FBXO34: variants seen among roughly 807,000 people sequenced by gnomAD.
FBXO34 encodes the protein F-box protein 34.
Under a neutral mutation model 24.5 loss-of-function variants are expected in FBXO34, and 12 were observed. The observed-to-expected ratio is 0.49, with a 90% CI of 0.31 to 0.79. FBXO34 has a LOEUF of 0.79. Among genes scored for constraint, FBXO34 ranks in the 30% least tolerant of loss-of-function variants. FBXO34 has a pLI of 0.04. For missense variants in FBXO34, 823 were observed against 857.7 expected, an observed-to-expected ratio of 0.96 and a Z score of 0.51; for synonymous variants, 320 against 311.9, an observed-to-expected ratio of 1.03 and a Z score of -0.27.
intron 1 of FBXO34, among the ~76,000 whole-genome samples, chr14:55,338,278 T>G (rs957280332): frequency 6.6e-6 from 1 of 151,818 alleles, no homozygotes; most frequent in Non-Finnish European, 1.5e-5. Context: ...CTCGATCTCC[T>G]GACCCCATGA....
chr14:55,328,707 A>G (rs769990475), intron 1 of FBXO34, among the ~76,000 whole-genome samples: 4 of 152,240 alleles, frequency 2.6e-5, no homozygotes, highest in Non-Finnish European at 4.4e-5. Flanking sequence ...TGGGTTAGCC[A>G]CTTGGAGAAA....
Position 55,273,174 on chromosome 14 carries a change from G to GT in FBXO34, c.-11+1649dup, listed in dbSNP as rs879464568. Among the ~76,000 whole-genome samples, 1,256 of 145,914 alleles carry GT rather than the reference G, an allele frequency of 8.6e-3. 2 individuals carry two copies. Among genetic ancestry groups the GT allele is most frequent in the Non-Finnish European group, 0.012 (807 of 65,916 alleles). ...ACTGACCTTGACTTGTAATGGTACGGTTTTTTTTTTTTCCTCTCTCTCAAT... is the reference window on the plus strand; with the variant it reads ...ACTGACCTTGACTTGTAATGGTACGGTTTTTTTTTTTTTCCTCTCTCTCAAT... On this transcript the variant is annotated intron_variant, in intron 1 of 1. Coordinates refer to ENST00000313833, the MANE Select transcript of FBXO34 (RefSeq NM_017943.4).
rs748539226 is a variant in FBXO34 at position 55,353,509 on chromosome 14, G to A, written c.*983G>A. Reference sequence around the variant, plus strand: ...TTATATTTTAGTGATCCACAAGATTGAGAAAATATTATATAGTTAGATAAT... The same window carrying A: ...TTATATTTTAGTGATCCACAAGATTAAGAAAATATTATATAGTTAGATAAT... On this transcript the variant is annotated 3_prime_UTR_variant, in exon 2 of 2. Coordinates refer to ENST00000313833, the MANE Select transcript of FBXO34 (RefSeq NM_017943.4). 2.4e-5 allele frequency: 4 copies of A among 167,038 alleles called. No individual in the cohort carries two copies. The highest frequency in any genetic ancestry group is 6.5e-5 in the Admixed American group (1 of 15,274). 10.3% of individuals were successfully genotyped at this position (167,038 alleles called of 1,614,324 possible).
At position 55,351,426 on chromosome 14, in the gene FBXO34, G is replaced by A. The variant is rs1419590294; in HGVS notation, c.1036G>A (p.Val346Ile). 6.2e-7 allele frequency: 1 copy of A among 1,614,222 alleles called. No individual in the cohort carries two copies. ...CACTCAGGTGAATCCTGTGGGGTCT[G>A]TATCTGTGGATTGTGGCCCTTCAAG... ...PDTQVNPVGS[V>I]SVDCGPSRAD... The change falls in exon 2 of 2, where the codon GTA (valine) becomes ATA (isoleucine). Residue 346 changes from valine to isoleucine, a missense_variant. Physicochemically the swap from Val to Ile is conservative, Grantham distance 29 (BLOSUM62 3). Coordinates refer to ENST00000313833, the MANE Select transcript of FBXO34 (RefSeq NM_017943.4).
At chr14:55,292,188 A>C (rs1328211071) in intron 1 of FBXO34, among the ~76,000 whole-genome samples, 1 of 151,966 alleles carries the variant, frequency 6.6e-6, no homozygotes, top group East Asian at 1.9e-4. Flanking sequence ...CTGATTGCTA[A>C]ATGGGTTCAG....
chr14:55,375,912 T>C, the FBXO34 span, among the ~76,000 whole-genome samples: 5 of 152,328 alleles, frequency 3.3e-5, no homozygotes, highest in Non-Finnish European at 7.4e-5. Context: ...TCCTTGTAGG[T>C]TTATGATAGA....
the FBXO34 span, chr14:55,435,909 C>T: frequency 6.3e-7 from 1 of 1,582,706 alleles, no homozygotes; most frequent in Non-Finnish European, 8.5e-7. Context: ...AACTTACAGG[C>T]CAGGTTTACA....
intron 1 of FBXO34, among the ~76,000 whole-genome samples, chr14:55,328,368 T>C (rs527378877): frequency 6.6e-6 from 1 of 152,332 alleles, no homozygotes; most frequent in African/African-American, 2.4e-5. Flanking sequence ...TCTTGCGCTT[T>C]AGGGCCATTA....
intron 1 of FBXO34, among the ~76,000 whole-genome samples, chr14:55,341,246 C>T (rs544732985): frequency 6.6e-6 from 1 of 152,238 alleles, no homozygotes; most frequent in East Asian, 1.9e-4. Context: ...TTGCTGAAGA[C>T]AAGCCAGGGT....
rs1881701698 is a variant in FBXO34, at chr14:55,284,777, A to G, written c.-11+13240A>G. On this transcript the variant is annotated intron_variant, in intron 1 of 1. Transcript: ENST00000313833. ...ACTACAGGCATGTGCCACCACGTCCAGCTGATTTTTGTATCTTTTGTAGAG... is the reference window on the plus strand; with the variant it reads ...ACTACAGGCATGTGCCACCACGTCCGGCTGATTTTTGTATCTTTTGTAGAG... Among the ~76,000 whole-genome samples, 2 of 149,492 alleles carry G rather than the reference A, an allele frequency of 1.3e-5. 1 individual carries two copies. The highest frequency in any genetic ancestry group is 3.0e-5 in the Non-Finnish European group (2 of 66,900).
chr14:55,333,589 T>A (rs1370599848), intron 1 of FBXO34, among the ~76,000 whole-genome samples: 4 of 152,198 alleles, frequency 2.6e-5, no homozygotes, highest in Non-Finnish European at 5.9e-5. Context: ...AGGATATAGT[T>A]TAATTATGTT....
chr14:55,392,867 A>G, the FBXO34 span, among the ~76,000 whole-genome samples: 2 of 152,188 alleles, frequency 1.3e-5, no homozygotes, highest in African/African-American at 4.8e-5. Flanking sequence ...CAGACATTCA[A>G]AAACAGATCC....
At position 55,325,558 on chromosome 14, in the gene FBXO34, C is replaced by T. The variant is rs552688135; in HGVS notation, c.-10-24823C>T. 3.6e-4 allele frequency among the ~76,000 whole-genome samples: 55 copies of T among 152,280 alleles called. 1 individual carries two copies. In the South Asian group the frequency reaches 0.011, roughly 30 times the overall value. On this transcript the variant is annotated intron_variant, in intron 1 of 1. Coordinates refer to ENST00000313833, the MANE Select transcript of FBXO34 (RefSeq NM_017943.4). ...TGGCGCGATCTCGGCTCATCGCAACCTCCGCCTCCTGGGTTCAAGCAATTC... is the reference window on the plus strand; with the variant it reads ...TGGCGCGATCTCGGCTCATCGCAACTTCCGCCTCCTGGGTTCAAGCAATTC...
the FBXO34 span, among the ~76,000 whole-genome samples, chr14:55,433,353 G>A: frequency 7.5e-6 from 1 of 133,250 alleles, no homozygotes; most frequent in East Asian, 2.1e-4. Flanking sequence ...GAGTCTCACT[G>A]TGTTGCCCAG....
intron 1 of FBXO34, among the ~76,000 whole-genome samples, chr14:55,284,727 C>T (rs1472972821): frequency 6.7e-6 from 1 of 148,504 alleles, no homozygotes. Context: ...GCAATCTTTC[C>T]ATCTCATCCT....
intron 1 of FBXO34, among the ~76,000 whole-genome samples, chr14:55,293,121 G>C (rs1881998740): frequency 6.6e-6 from 1 of 151,278 alleles, no homozygotes; most frequent in Admixed American, 6.6e-5. Flanking sequence ...GACCTCAGGT[G>C]ATCTACTCGC....
At chr14:55,311,360 G>A (rs1161204445) in intron 1 of FBXO34, among the ~76,000 whole-genome samples, 2 of 152,166 alleles carry the variant, frequency 1.3e-5, no homozygotes, top group Non-Finnish European at 1.5e-5. Context: ...TATAATTCAA[G>A]ATAAGAGTTG....
intron 1 of FBXO34, among the ~76,000 whole-genome samples, chr14:55,323,462 G>C (rs141081784): frequency 1.3e-5 from 2 of 150,834 alleles, no homozygotes; most frequent in Non-Finnish European, 2.9e-5. Context: ...GGCTCACTGC[G>C]GTCTTCGAGT....
Position 55,350,820 on chromosome 14 carries a change from G to C in FBXO34, c.430G>C (p.Asp144His). The change falls in exon 2 of 2, where the codon GAT becomes CAT. Residue 144 changes from aspartate to histidine, a missense_variant. This residue lies in a region of FBXO34 where 693 missense variants were observed against 659.1 expected (regional missense o/e 1.05). Transcript: ENST00000313833. ...GAAAATAAAAAGTTCCTGGGATATT[G>C]ATGGGAGAGCTACTAAGAGAAGGAA... ...SMKIKSSWDI[D>H]GRATKRRKKS... 1 of 1,612,018 alleles carries C rather than the reference G, an allele frequency of 6.2e-7. No individual in the cohort carries two copies. Among genetic ancestry groups the C allele is most frequent in the Non-Finnish European group, 8.5e-7 (1 of 1,179,456 alleles).
Sources: gnomAD v4.1 joint callset for allele counts (sites outside exome capture counted in the v4.1 genomes callset) on GRCh38, gnomAD v4.1.1 for gene constraint, gnomAD v4.1.1 regional missense constraint, MANE v1.5 for transcripts, NCBI Gene and HGNC (gene_info 2026-07-23, HGNC 2026-07-21) for gene names.